The following ADGRL3 variants were observed in gnomAD, a reference collection of about 807,000 sequenced individuals.
ADGRL3 encodes the protein adhesion G protein-coupled receptor L3.
Under a neutral mutation model 153.5 loss-of-function variants are expected in ADGRL3, and 62 were observed. The ratio of observed to expected loss-of-function variants is 0.40; its 90% confidence interval spans 0.33 to 0.50. The LOEUF (loss-of-function observed/expected upper bound fraction) is 0.50. Ranked by LOEUF, ADGRL3 falls within the 20% of genes least tolerant of loss-of-function variation. ADGRL3 has a pLI of 0.47. For missense variants in ADGRL3, 1,641 were observed against 1,859.4 expected (o/e 0.88, Z 2.16); for synonymous variants, 710 against 672.5 (o/e 1.06, Z -0.86).
intron 2 of ADGRL3, among the ~76,000 whole-genome samples, chr4:61,409,211 A>G (rs1385117904): frequency 6.9e-6 from 1 of 144,192 alleles, no homozygotes; most frequent in Non-Finnish European, 1.5e-5. Flanking sequence ...TATATATTAG[A>G]CATACATAAT....
chr4:61,337,325 C>A (rs2095699805), intron 1 of ADGRL3, among the ~76,000 whole-genome samples: 1 of 152,172 alleles, frequency 6.6e-6, no homozygotes, highest in African/African-American at 2.4e-5. Context: ...CAAGTGTCAG[C>A]AGACAAGTGA....
chr4:61,409,657 G>A (rs1282272941), intron 2 of ADGRL3, among the ~76,000 whole-genome samples: 1 of 151,226 alleles, frequency 6.6e-6, no homozygotes, highest in Non-Finnish European at 1.5e-5. Flanking sequence ...TTTTCACTCT[G>A]TTTTAGCAAT....
rs191835996 is a variant in ADGRL3 at position 61,644,464 on chromosome 4, C to T, written c.474-32362C>T. ...TTCCCTATACACACTGCTTTGAATG[C>T]GTCCCAGAGATTCTGGTATGTTGTG... is the stretch of plus-strand genomic sequence containing the variant. On this transcript the variant is annotated intron_variant, in intron 5 of 26. Coordinates refer to ENST00000683033, the MANE Select transcript of ADGRL3 (RefSeq NM_001387552.1). Among the ~76,000 whole-genome samples, 1,033 of 152,228 alleles carry T rather than the reference C, an allele frequency of 6.8e-3. 9 individuals carry two copies. The highest frequency in any genetic ancestry group is 0.018 in the South Asian group (87 of 4,818).
In ADGRL3 at chr4:61,632,358, A is replaced by G. The variant is rs571454038; in HGVS notation, c.474-44468A>G. 1.1e-3 allele frequency among the ~76,000 whole-genome samples: 165 copies of G among 152,330 alleles called. 2 individuals carry two copies. Among genetic ancestry groups the G allele is most frequent in the South Asian group, 3.5e-3 (17 of 4,828 alleles). Reference sequence around the variant, plus strand: ...ACTGAGTCTTTAAATCTCTGTGAGTACTAGCTTGTTCTTTTAAGTTAATGA... The same window carrying G: ...ACTGAGTCTTTAAATCTCTGTGAGTGCTAGCTTGTTCTTTTAAGTTAATGA... On this transcript the variant is annotated intron_variant, in intron 5 of 26. Transcript: ENST00000683033.
At chr4:61,244,134 C>T (rs1344319619) in intron 1 of ADGRL3, among the ~76,000 whole-genome samples, 1 of 151,814 alleles carries the variant, frequency 6.6e-6, no homozygotes, top group African/African-American at 2.4e-5. Context: ...AGACCTTTGG[C>T]TGTGAAAGTT....
chr4:61,358,681 T>C (rs992919479), intron 1 of ADGRL3, among the ~76,000 whole-genome samples: 5 of 151,756 alleles, frequency 3.3e-5, no homozygotes, highest in African/African-American at 1.2e-4. Context: ...GCATCCCACT[T>C]TCCTTGTATT....
intron 8 of ADGRL3, among the ~76,000 whole-genome samples, chr4:61,744,530 T>C (rs556525513): frequency 1.3e-5 from 2 of 152,244 alleles, no homozygotes; most frequent in Admixed American, 6.5e-5. Flanking sequence ...CCAGAGGAGC[T>C]ATCAGGCAGC....
intron 2 of ADGRL3, among the ~76,000 whole-genome samples, chr4:61,414,528 A>G (rs928789449): frequency 1.3e-5 from 2 of 152,140 alleles, no homozygotes; most frequent in South Asian, 2.1e-4. Flanking sequence ...TTCAGATAAC[A>G]TGATCTAAAT....
At chr4:61,348,178 C>T (rs755042888) in intron 1 of ADGRL3, among the ~76,000 whole-genome samples, 30 of 152,136 alleles carry the variant, frequency 2.0e-4, no homozygotes, top group East Asian at 7.7e-4. Context: ...CAGAGACAGA[C>T]GCTCTTTATT....
At chr4:61,796,886 G>A (rs1012665436) in intron 8 of ADGRL3, among the ~76,000 whole-genome samples, 4 of 152,146 alleles carry the variant, frequency 2.6e-5, no homozygotes, top group Admixed American at 2.0e-4. Context: ...ATTTCAACAT[G>A]GAGCAGTTAG....
intron 2 of ADGRL3, among the ~76,000 whole-genome samples, chr4:61,421,004 A>C (rs960214594): frequency 6.6e-6 from 1 of 152,054 alleles, no homozygotes; most frequent in African/African-American, 2.4e-5. Flanking sequence ...ACTTGTCTGT[A>C]TTTTCTATAA....
chr4:61,450,400 A>T (rs544985184), intron 2 of ADGRL3, among the ~76,000 whole-genome samples: 1 of 152,246 alleles, frequency 6.6e-6, no homozygotes, highest in East Asian at 1.9e-4. Flanking sequence ...CTTGTCATAC[A>T]TTTACCCATT....
At chr4:61,257,610 G>GT (rs1295059033) in intron 1 of ADGRL3, among the ~76,000 whole-genome samples, 1 of 152,066 alleles carries the variant, frequency 6.6e-6, no homozygotes, top group Admixed American at 6.6e-5. Flanking sequence ...TATTAGTGCA[G>GT]TTTTTAAAGA....
rs527931091 is a variant in ADGRL3, at chr4:61,856,586, T to C, written c.1481-36070T>C. ...CTCTCTCTCTTTCTCTCTCTCTTTT[T>C]TCTCTCTCTCTCTCTCTCTTTTTTT... On this transcript the variant is annotated intron_variant, in intron 9 of 26. Coordinates refer to ENST00000683033, the MANE Select transcript of ADGRL3 (RefSeq NM_001387552.1). 1.3e-3 allele frequency among the ~76,000 whole-genome samples: 100 copies of C among 78,676 alleles called. 1 individual carries two copies. The highest frequency in any genetic ancestry group is 1.4e-3 in the Non-Finnish European group (55 of 39,524). The allele number at this position is 78,676 out of a possible 152,430, so 51.6% of individuals were successfully genotyped here.
At chr4:61,371,867 C>G (rs912878539) in intron 1 of ADGRL3, among the ~76,000 whole-genome samples, 13 of 152,278 alleles carry the variant, frequency 8.5e-5, no homozygotes, top group African/African-American at 3.1e-4. Flanking sequence ...TTCAGGTACA[C>G]CAAGCAGATG....
intron 21 of ADGRL3, among the ~76,000 whole-genome samples, chr4:62,000,038 C>T (rs114126362): frequency 0.012 from 1,801 of 152,012 alleles, 37 homozygotes; most frequent in African/African-American, 0.042. Flanking sequence ...TAAATAGGCA[C>T]ATAAATTTAT....
chr4:61,697,883 AATTCTG>A (rs944746662), intron 6 of ADGRL3, among the ~76,000 whole-genome samples: 1 of 152,140 alleles, frequency 6.6e-6, no homozygotes, highest in Non-Finnish European at 1.5e-5. Flanking sequence ...ACCAGAAAAA[AATTCTG>A]TTACATGAAG....
At chr4:61,894,352 GT>G (rs1292078653) in intron 10 of ADGRL3, among the ~76,000 whole-genome samples, 1 of 151,974 alleles carries the variant, frequency 6.6e-6, no homozygotes, top group East Asian at 1.9e-4. Flanking sequence ...GGGTATCTTG[GT>G]TTTTATAAAA....
At chr4:61,849,356 G>A (rs1428165616) in intron 9 of ADGRL3, among the ~76,000 whole-genome samples, 1 of 152,022 alleles carries the variant, frequency 6.6e-6, no homozygotes, top group East Asian at 1.9e-4. Flanking sequence ...TGTTTCCTTA[G>A]GGCACAAAAT....
Sources: allele counts gnomAD v4.1 joint callset (sites outside exome capture counted in the v4.1 genomes callset), GRCh38; gene constraint gnomAD v4.1.1; transcripts MANE v1.5; gene names NCBI Gene and HGNC (gene_info 2026-07-23, HGNC 2026-07-21).